Variants in ABCC3 observed in about 807,000 individuals in gnomAD.
ABCC3 encodes ATP binding cassette subfamily C member 3, also known as ATP-binding cassette sub-family C member 3.
Under a neutral mutation model 165.3 loss-of-function variants are expected in ABCC3, and 121 were observed. The observed-to-expected ratio is 0.73, with a 90% CI of 0.63 to 0.85. The LOEUF (loss-of-function observed/expected upper bound fraction) is 0.85, where lower values mean the gene tolerates loss of function less well. ABCC3 is among the 40% of genes least tolerant of loss of function. The pLI is 0.00. For missense variants in ABCC3, 1,869 were observed against 1,964.1 expected (o/e 0.95, Z 0.92); for synonymous variants, 733 against 810.1 (o/e 0.90, Z 1.62).
At chr17:50,690,097 G>C (rs562411814) in intron 30 of ABCC3, among the ~76,000 whole-genome samples, 1 of 152,176 alleles carries the variant, frequency 6.6e-6, no homozygotes, top group Non-Finnish European at 1.5e-5. Flanking sequence ...GAGGATGGAG[G>C]TGGGGCAATA....
chr17:50,673,291 C>A, intron 18 of ABCC3, 153 bp downstream of exon 18: 5 of 1,218,350 alleles, frequency 4.1e-6, no homozygotes, highest in African/African-American at 3.0e-5. Context: ...CCTGTGGGGA[C>A]AACTCCCCCA....
intron 1 of ABCC3, among the ~76,000 whole-genome samples, chr17:50,644,747 A>G (rs1023948380): frequency 8.1e-5 from 12 of 148,914 alleles, no homozygotes; most frequent in African/African-American, 2.7e-4. Flanking sequence ...GGCCGGGTGC[A>G]GTGGCTCATG....
At chr17:50,640,758 G>A (rs539583695) in intron 1 of ABCC3, among the ~76,000 whole-genome samples, 36 of 152,256 alleles carry the variant, frequency 2.4e-4, no homozygotes, top group African/African-American at 8.4e-4. Context: ...CCTGACCTCA[G>A]GGGACCCACC....
intron 2 of ABCC3, 39 bp from the exon 3 acceptor site, chr17:50,656,663 C>T: frequency 6.3e-7 from 1 of 1,589,494 alleles, no homozygotes; most frequent in Non-Finnish European, 8.6e-7. Context: ...CTGTCCTTGC[C>T]TCTGGGGATG....
rs749305612 is a variant in ABCC3, at chr17:50,668,849, T to C, written c.1871-4T>C. The C allele has an allele frequency of 6.2e-7, 1 of 1,613,534 alleles. No individual in the cohort carries two copies. The highest frequency in any genetic ancestry group is 8.5e-7 in the Non-Finnish European group (1 of 1,179,802). ...CCTGACCCTGCCCACCTTGGTCCTC[T>C]CAGGCTATGCCATCACCATACACAG... On this transcript the variant is annotated splice_region_variant and splice_polypyrimidine_tract_variant and intron_variant, in intron 14 of 30. Coordinates refer to ENST00000285238, the MANE Select transcript of ABCC3 (RefSeq NM_003786.4).
In ABCC3 at chr17:50,667,586, C is replaced by G. The variant is rs775305792; in HGVS notation, c.1464C>G (p.Ile488Met). The G allele has an allele frequency of 3.1e-6, 5 of 1,611,526 alleles. No individual in the cohort carries two copies. ...AAATGAAATTGAAGGACTCGCGCAT[C>G]AAGCTGATGAGTGAGATCCTGAACG... ...VKQMKLKDSR[I>M]KLMSEILNGI... Residue 488 changes from isoleucine (I) to methionine (M), a missense_variant, in exon 12 of 31, where the codon ATC (isoleucine) becomes ATG (methionine). By Grantham distance (10) the Ile-to-Met change is conservative. Coordinates refer to ENST00000285238, the MANE Select transcript of ABCC3 (RefSeq NM_003786.4).
chr17:50,651,066 G>GAAAAA lies in ABCC3; in HGVS notation c.46-4751_46-4747dup, dbSNP rs57837230. 4.9e-3 allele frequency among the ~76,000 whole-genome samples: 416 copies of GAAAAA among 84,210 alleles called. 16 individuals are homozygous for GAAAAA. The highest frequency in any genetic ancestry group is 5.8e-3 in the African/African-American group (117 of 20,100). The allele number at this position is 84,210 out of a possible 152,430, so 55.2% of individuals were successfully genotyped here. ...GGTGACAGCGCGAGACTCCATCTCA[G>GAAAAA]AAAAAAAAAAAAAAAAAAAGAATTC... On this transcript the variant is annotated intron_variant, in intron 1 of 30. Transcript: ENST00000285238.
At chr17:50,661,165 G>A (rs751384845) in intron 8 of ABCC3, 51 bp downstream of exon 8, 2 of 1,504,788 alleles carry the variant, frequency 1.3e-6, no homozygotes, top group Non-Finnish European at 1.8e-6. Flanking sequence ...AGCAGGGCTG[G>A]CTGGCTAGCC....
chr17:50,665,029 C>A, intron 10 of ABCC3, 124 bp from the exon 11 acceptor site: 1 of 782,204 alleles, frequency 1.3e-6, no homozygotes, highest in Non-Finnish European at 2.2e-6. Flanking sequence ...GGCCAACCAC[C>A]ATCTTTTGCT....
chr17:50,643,882 T>C lies in ABCC3; in HGVS notation c.45+8901T>C, dbSNP rs1369309700. The stretch of plus-strand genomic sequence containing the variant: ...TTGAGGACCAGGTTGGGTGCTAGGA[T>C]GTGGCTTCATGAGCAGCAGGAGTCA... On this transcript the variant is annotated intron_variant, in intron 1 of 30. Transcript: ENST00000285238. Among the ~76,000 whole-genome samples, 3 of 151,976 alleles carry C rather than the reference T, an allele frequency of 2.0e-5. No homozygotes were observed. In the East Asian group the frequency reaches 5.8e-4, roughly 29 times the overall value.
Position 50,656,697 on chromosome 17 carries a change from C to T in ABCC3, c.223-5C>T, listed in dbSNP as rs535850714. The T allele has an allele frequency of 6.8e-6, 11 of 1,609,486 alleles. No homozygotes were observed. Among genetic ancestry groups the T allele is most frequent in the South Asian group, 4.4e-5 (4 of 90,290 alleles). On this transcript the variant is annotated splice_region_variant and splice_polypyrimidine_tract_variant and intron_variant, in intron 2 of 30. Coordinates refer to ENST00000285238, the MANE Select transcript of ABCC3 (RefSeq NM_003786.4). ...TGCGGATTCCAACCTGTGCTCTCTT[C>T]GCAGGTCCTGGGTGTCCTGCTGTGG...
intron 1 of ABCC3, among the ~76,000 whole-genome samples, chr17:50,649,699 G>A (rs936327091): frequency 4.7e-5 from 7 of 147,996 alleles, no homozygotes; most frequent in Admixed American, 4.1e-4. Flanking sequence ...GAAGGAGGGA[G>A]GGAAGAAGGG....
At chr17:50,636,300 G>C (rs2054179762) in intron 1 of ABCC3, among the ~76,000 whole-genome samples, 1 of 152,162 alleles carries the variant, frequency 6.6e-6, no homozygotes, top group African/African-American at 2.4e-5. Context: ...CTGGAGCTAT[G>C]CTCTTGGGCT....
At chr17:50,648,418 A>G (rs1967046574) in intron 1 of ABCC3, among the ~76,000 whole-genome samples, 1 of 152,202 alleles carries the variant, frequency 6.6e-6, no homozygotes, top group Non-Finnish European at 1.5e-5. Context: ...TCTCCTCTCA[A>G]AGCCAGGCAA....
intron 11 of ABCC3, among the ~76,000 whole-genome samples, chr17:50,666,853 C>T (rs952818697): frequency 2.6e-5 from 4 of 152,182 alleles, no homozygotes; most frequent in African/African-American, 9.7e-5. Context: ...AGGAAGCTCA[C>T]AGTCTGATTA....
intron 11 of ABCC3, among the ~76,000 whole-genome samples, chr17:50,666,223 G>C (rs533065303): frequency 3.9e-5 from 6 of 152,250 alleles, no homozygotes; most frequent in African/African-American, 4.8e-5. Context: ...TGTAATCCCA[G>C]AGCTTTGGGA....
Position 50,664,042 on chromosome 17 carries a change from T to C in ABCC3, c.1269T>C (p.Leu423=). 1 of 1,614,212 alleles carries C rather than the reference T, an allele frequency of 6.2e-7. No homozygotes were observed. Among genetic ancestry groups the C allele is most frequent in the Non-Finnish European group, 8.5e-7 (1 of 1,180,040 alleles). Reference sequence around the variant, plus strand: ...TGGATGCCCAGCGCTTCATGGACCTTGCCCCCTTCCTCAATCTGCTGTGGT... The same window carrying C: ...TGGATGCCCAGCGCTTCATGGACCTCGCCCCCTTCCTCAATCTGCTGTGGT... The part of the protein sequence containing the change: ...MSVDAQRFMD[L]APFLNLLWSA... Residue 423 remains leucine (L), a synonymous_variant, in exon 10 of 31, where the codon CTT becomes CTC. Transcript: ENST00000285238.
intron 17 of ABCC3, among the ~76,000 whole-genome samples, chr17:50,672,363 G>T (rs1271268074): frequency 6.6e-6 from 1 of 152,190 alleles, no homozygotes; most frequent in Non-Finnish European, 1.5e-5. Flanking sequence ...TCCTTGTAAG[G>T]CTGAATGATA....
intron 14 of ABCC3, 44 bp from the exon 15 acceptor site, chr17:50,668,809 C>T (rs1003172749): frequency 3.8e-6 from 6 of 1,561,904 alleles, no homozygotes; most frequent in Admixed American, 1.7e-5. Context: ...GCTACCCCAT[C>T]CCTTGAGCTC....
Sources: allele counts gnomAD v4.1 joint callset (sites outside exome capture counted in the v4.1 genomes callset), GRCh38; gene constraint gnomAD v4.1.1; transcripts MANE v1.5; gene names NCBI Gene and HGNC (gene_info 2026-07-23, HGNC 2026-07-21).